FGF7: variants seen among roughly 807,000 people sequenced by gnomAD.
FGF7 encodes the protein fibroblast growth factor 7, also known as FGF-7.
In FGF7, 6 loss-of-function variants were observed where a neutral mutation model predicts 20.5. That is an observed-to-expected ratio of 0.29 (90% confidence interval 0.16 to 0.58). FGF7 has a LOEUF of 0.58. Ranked by LOEUF, FGF7 falls within the 20% of genes least tolerant of loss-of-function variation. The probability of loss-of-function intolerance (pLI) is 0.90; values close to 1 mark genes in which losing one functional copy is unlikely to be tolerated. For missense variants in FGF7, 144 were observed against 228.8 expected (o/e 0.63, Z 2.39); for synonymous variants, 64 against 74.7 (o/e 0.86, Z 0.74).
chr15:49,470,135 G>A (rs974152395), intron 2 of FGF7, among the ~76,000 whole-genome samples: 7 of 152,080 alleles, frequency 4.6e-5, no homozygotes, highest in East Asian at 1.9e-4. Flanking sequence ...TGATCAAAGC[G>A]TGGAAAATGA....
intron 2 of FGF7, among the ~76,000 whole-genome samples, chr15:49,467,764 G>A (rs1301071112): frequency 6.6e-6 from 1 of 152,122 alleles, no homozygotes; most frequent in Admixed American, 6.6e-5. Flanking sequence ...TAAACAAAGA[G>A]TATTTCCTCC....
rs537379693 is a variant in FGF7, at chr15:49,456,145, T to A, written c.287-27006T>A. On this transcript the variant is annotated intron_variant, in intron 2 of 3. Transcript: ENST00000267843. ...TATAATTTTGTTAAACACATTTGAT[T>A]GAGATTTTTTTCAGTTTTTTTCCAG... Among the ~76,000 whole-genome samples the A allele has an allele frequency of 2.0e-5, 3 of 152,264 alleles. No homozygotes were observed. The East Asian group carries it at 5.8e-4, about 29-fold the overall frequency.
At chr15:49,434,445 A>C (rs1243483356) in intron 2 of FGF7, 5 of 151,550 alleles carry the variant, frequency 3.3e-5, no homozygotes, top group African/African-American at 7.3e-5. Context: ...GGCACATCGC[A>C]GGTTGTCAAA....
intron 2 of FGF7, among the ~76,000 whole-genome samples, chr15:49,442,539 A>T (rs1283440492): frequency 6.6e-6 from 1 of 151,444 alleles, no homozygotes; most frequent in Non-Finnish European, 1.5e-5. Flanking sequence ...CTATTATATT[A>T]CCTCTTTTCC....
intron 2 of FGF7, among the ~76,000 whole-genome samples, chr15:49,462,539 G>A (rs1218147335): frequency 6.6e-6 from 1 of 152,108 alleles, no homozygotes; most frequent in Non-Finnish European, 1.5e-5. Flanking sequence ...TTTTAACTTT[G>A]TATCTTTCAT....
chr15:49,466,422 A>G (rs926606260), intron 2 of FGF7, among the ~76,000 whole-genome samples: 1 of 152,170 alleles, frequency 6.6e-6, no homozygotes, highest in African/African-American at 2.4e-5. Flanking sequence ...AAGTCAAAGG[A>G]TCTTCTAAGT....
intron 2 of FGF7, among the ~76,000 whole-genome samples, chr15:49,448,442 G>T (rs2052419955): frequency 6.6e-6 from 1 of 151,354 alleles, no homozygotes; most frequent in East Asian, 1.9e-4. Flanking sequence ...TCATTAAAGT[G>T]ACTGGGTAAA....
At position 49,487,362 on chromosome 15, in the gene FGF7, T is replaced by C. The variant is rs1489695582; in HGVS notation, c.*2858T>C. ...TTAAAACATGAAATGATAACAAAAG[T>C]AAACAAAAGATACTTTCAAAGCAGT... On this transcript the variant is annotated 3_prime_UTR_variant, in exon 4 of 4. Transcript: ENST00000267843. The C allele has an allele frequency of 1.3e-5, 2 of 151,692 alleles. No individual in the cohort carries two copies. The highest frequency in any genetic ancestry group is 4.8e-5 in the African/African-American group (2 of 41,336). The allele number at this position is 151,692 out of a possible 1,614,324, so 9.4% of individuals were successfully genotyped here.
At chr15:49,424,756 T>C in intron 2 of FGF7, 173 bp downstream of exon 2, 1 of 492,188 alleles carries the variant, frequency 2.0e-6, no homozygotes, top group African/African-American at 1.9e-5. Context: ...ATATCTCTTT[T>C]AACAGGGCAA....
intron 2 of FGF7, among the ~76,000 whole-genome samples, chr15:49,465,644 A>C (rs1383929185): frequency 1.3e-5 from 2 of 152,170 alleles, no homozygotes; most frequent in Non-Finnish European, 2.9e-5. Flanking sequence ...GGTTCTCTCA[A>C]CTTTTTTGAG....
chr15:49,427,095 A>G (rs956836860), intron 2 of FGF7, among the ~76,000 whole-genome samples: 5 of 152,006 alleles, frequency 3.3e-5, no homozygotes, highest in African/African-American at 1.2e-4. Context: ...GAAAATTCTG[A>G]TAGCCATTTC....
At chr15:49,475,721 C>T (rs1317820818) in intron 2 of FGF7, among the ~76,000 whole-genome samples, 1 of 152,058 alleles carries the variant, frequency 6.6e-6, no homozygotes, top group Non-Finnish European at 1.5e-5. Flanking sequence ...GGCACGGTGG[C>T]TTATACTTGT....
rs543194426 is a variant in FGF7, at chr15:49,454,038, T to G, written c.287-29113T>G. Among the ~76,000 whole-genome samples the G allele has an allele frequency of 2.1e-3, 324 of 152,266 alleles. 1 individual carries two copies. Among genetic ancestry groups the G allele is most frequent in the African/African-American group, 7.6e-3 (316 of 41,558 alleles). On this transcript the variant is annotated intron_variant, in intron 2 of 3. Transcript: ENST00000267843. ...AAATCTCCTAGGAAGTTTATATGGC[T>G]GGGGAGGCAGTGTGGTGTAATAGAA...
chr15:49,484,796 ATTAAT>A lies in FGF7; in HGVS notation c.*296_*300del, dbSNP rs2056269928. On this transcript the variant is annotated 3_prime_UTR_variant, in exon 4 of 4. Coordinates refer to ENST00000267843, the MANE Select transcript of FGF7 (RefSeq NM_002009.4). ...TTAGTAACAGTAATTTTTTTCTTAA[ATTAAT>A]TTACCCTTAAGAGTATGTTAGATTT... is the stretch of plus-strand genomic sequence containing the variant. 4.3e-6 allele frequency: 1 copy of A among 233,768 alleles called. No homozygotes were observed. The highest frequency in any genetic ancestry group is 2.3e-5 in the African/African-American group (1 of 44,346). 14.5% of individuals were successfully genotyped at this position (233,768 alleles called of 1,614,324 possible).
intron 2 of FGF7, among the ~76,000 whole-genome samples, chr15:49,448,034 C>T (rs1157481881): frequency 1.3e-5 from 2 of 151,484 alleles, no homozygotes; most frequent in Non-Finnish European, 3.0e-5. Flanking sequence ...ATTTTAATGT[C>T]CGAGAGCATA....
At chr15:49,442,880 C>G (rs996471789) in intron 2 of FGF7, among the ~76,000 whole-genome samples, 1 of 151,728 alleles carries the variant, frequency 6.6e-6, no homozygotes, top group Non-Finnish European at 1.5e-5. Context: ...GTGCTGCTCA[C>G]ACCACTAATG....
intron 2 of FGF7, among the ~76,000 whole-genome samples, chr15:49,432,149 A>G (rs1333997933): frequency 6.6e-6 from 1 of 151,736 alleles, no homozygotes; most frequent in African/African-American, 2.4e-5. Flanking sequence ...ATTCTATTGT[A>G]ATATTTCCCA....
intron 2 of FGF7, among the ~76,000 whole-genome samples, chr15:49,478,366 T>G (rs1005070165): frequency 6.6e-6 from 1 of 152,012 alleles, no homozygotes; most frequent in African/African-American, 2.4e-5. Context: ...GTTTTCAGTG[T>G]TTTTTGTATA....
intron 2 of FGF7, among the ~76,000 whole-genome samples, chr15:49,479,243 T>TTG (rs2055655973): frequency 6.6e-6 from 1 of 151,628 alleles, no homozygotes; most frequent in Non-Finnish European, 1.5e-5. Context: ...CATGAGCTGA[T>TTG]TCTCTCTCTC....
Sources: allele counts gnomAD v4.1 joint callset (sites outside exome capture counted in the v4.1 genomes callset), GRCh38; gene constraint gnomAD v4.1.1; transcripts MANE v1.5; gene names NCBI Gene and HGNC (gene_info 2026-07-23, HGNC 2026-07-21).